ZBTB7A: variants seen among roughly 807,000 people sequenced by gnomAD.
ZBTB7A encodes zinc finger and BTB domain containing 7A.
In ZBTB7A, 7 loss-of-function variants were observed where a neutral mutation model predicts 26.7. The ratio of observed to expected loss-of-function variants is 0.26; its 90% confidence interval spans 0.15 to 0.49. The LOEUF (loss-of-function observed/expected upper bound fraction) is 0.49. Ranked by LOEUF, ZBTB7A falls within the 20% of genes least tolerant of loss-of-function variation. The pLI is 0.98. For synonymous variants in ZBTB7A, 452 were observed against 441.0 expected (o/e 1.02, Z -0.31); for missense variants, 617 against 919.5 (o/e 0.67, Z 4.25).
At chr19:4,059,078 C>G (rs1446746445) in intron 1 of ZBTB7A, among the ~76,000 whole-genome samples, 1 of 152,196 alleles carries the variant, frequency 6.6e-6, no homozygotes, top group African/African-American at 2.4e-5. Flanking sequence ...CTGCCACCAT[C>G]TGCCGTCTGG....
chr19:4,056,866 T>TA (rs1191402485), intron 1 of ZBTB7A, among the ~76,000 whole-genome samples: 15 of 132,352 alleles, frequency 1.1e-4, no homozygotes, highest in Admixed American at 3.0e-4. Context: ...GACTCCGTCT[T>TA]AAAAAAAAAA....
Position 4,047,615 on chromosome 19 carries a change from G to C in ZBTB7A, c.*137C>G. The C allele has an allele frequency of 1.6e-6, 1 of 622,342 alleles. No homozygotes were observed. Among genetic ancestry groups the C allele is most frequent in the Non-Finnish European group, 2.4e-6 (1 of 410,538 alleles). The allele number at this position is 622,342 out of a possible 1,614,324, so 38.6% of individuals were successfully genotyped here. A position where few individuals can be genotyped will look rare whatever the true frequency, so the allele number is the denominator to read the frequency against. ...TGTGACGCGTCATATATATATATCT[G>C]TATATATATATATAGATATAGATAT... On this transcript the variant is annotated 3_prime_UTR_variant, in exon 3 of 3. Coordinates refer to ENST00000322357, the MANE Select transcript of ZBTB7A (RefSeq NM_015898.4).
rs907229093 is a variant in ZBTB7A, at chr19:4,048,676, CA to C, written c.1263-433del. On this transcript the variant is annotated intron_variant, in intron 2 of 2. Coordinates refer to ENST00000322357, the MANE Select transcript of ZBTB7A (RefSeq NM_015898.4). This position sits in a 1 kb window ranked among gnomAD's most constrained non-coding sequence, Gnocchi z 6.7. ...TGAAACCCTGTCTCTACTAAAAAAA[CA>C]AAAAACAAAAAAACAAAAAACAAAA... Among the ~76,000 whole-genome samples, 1 of 141,666 alleles carries C rather than the reference CA, an allele frequency of 7.1e-6. No individual in the cohort carries two copies. The highest frequency in any genetic ancestry group is 2.8e-5 in the African/African-American group (1 of 36,012). 92.9% of individuals were successfully genotyped at this position (141,666 alleles called of 152,430 possible).
intron 2 of ZBTB7A, among the ~76,000 whole-genome samples, chr19:4,053,633 G>C (rs930067347): frequency 2.0e-5 from 3 of 151,144 alleles, no homozygotes; most frequent in Admixed American, 1.3e-4. Flanking sequence ...GTGTGCATCT[G>C]TGTCTGCATG....
chr19:4,059,503 G>A (rs2040617750), intron 1 of ZBTB7A, among the ~76,000 whole-genome samples: 1 of 152,168 alleles, frequency 6.6e-6, no homozygotes, highest in African/African-American at 2.4e-5. Flanking sequence ...GCCAAGGAAA[G>A]CCCCCGTGAG....
intron 1 of ZBTB7A, among the ~76,000 whole-genome samples, chr19:4,058,553 C>T (rs577879597): frequency 2.3e-4 from 35 of 152,330 alleles, no homozygotes; most frequent in Non-Finnish European, 4.3e-4. Flanking sequence ...CTGGCGGCCC[C>T]GAGTCACCCA....
chr19:4,056,518 G>C (rs1341833582), intron 1 of ZBTB7A, among the ~76,000 whole-genome samples: 1 of 152,160 alleles, frequency 6.6e-6, no homozygotes, highest in African/African-American at 2.4e-5. Context: ...CTTGAGGTCA[G>C]GAGTTCAAGA....
At chr19:4,059,115 A>C (rs1483447479) in intron 1 of ZBTB7A, among the ~76,000 whole-genome samples, 1 of 152,156 alleles carries the variant, frequency 6.6e-6, no homozygotes, top group East Asian at 1.9e-4. Context: ...GCGTGTGAGC[A>C]GATGGAGCTC....
chr19:4,065,419 G>T, intron 1 of ZBTB7A: 1 of 145,652 alleles, frequency 6.9e-6, no homozygotes, highest in South Asian at 1.9e-4. Context: ...GCCCGCGCGG[G>T]GGGCTCCTAC....
intron 1 of ZBTB7A, among the ~76,000 whole-genome samples, chr19:4,059,296 G>A (rs2040615761): frequency 6.6e-6 from 1 of 152,154 alleles, no homozygotes; most frequent in Non-Finnish European, 1.5e-5. Flanking sequence ...CTGGGGCCTG[G>A]AGGATGGGCC....
Position 4,043,713 on chromosome 19 carries a change from GGGCCCGGCCCCC to G in ZBTB7A, c.*4027_*4038del. Among the ~76,000 whole-genome samples, 1 of 42,600 alleles carries G rather than the reference GGGCCCGGCCCCC, an allele frequency of 2.3e-5. No homozygotes were observed. Among genetic ancestry groups the G allele is most frequent in the African/African-American group, 1.2e-4 (1 of 8,046 alleles). The allele number at this position is 42,600 out of a possible 152,430, so 27.9% of individuals were successfully genotyped here. On this transcript the variant is annotated 3_prime_UTR_variant, in exon 3 of 3. Coordinates refer to ENST00000322357, the MANE Select transcript of ZBTB7A (RefSeq NM_015898.4). ...GTCTCCCTGGCCCCCTCCACCCCCT[GGGCCCGGCCCCC>G]CCCCCCCCCCCCCGTAAATCTATGT... is the stretch of plus-strand genomic sequence containing the variant.
rs149089572 is a variant in ZBTB7A, at chr19:4,056,404, G to A, written c.-15-1157C>T. ...ACAAGCACACTGGCACCACCCCTCC[G>A]AGGAGGGCCCCCGGGAATGCCTGTT... On this transcript the variant is annotated intron_variant, in intron 1 of 2. Transcript: ENST00000322357. Among the ~76,000 whole-genome samples, 466 of 152,278 alleles carry A rather than the reference G, an allele frequency of 3.1e-3. 3 individuals carry two copies. Among genetic ancestry groups the A allele is most frequent in the African/African-American group, 0.011 (451 of 41,550 alleles).
chr19:4,048,277 TG>T lies in ZBTB7A; in HGVS notation c.1263-34del, dbSNP rs777803398. On this transcript the variant is annotated intron_variant, in intron 2 of 2. Coordinates refer to ENST00000322357, the MANE Select transcript of ZBTB7A (RefSeq NM_015898.4). This position sits in a 1 kb window ranked among gnomAD's most constrained non-coding sequence, Gnocchi z 6.7. The stretch of plus-strand genomic sequence containing the variant: ...CGGGGCACGGGGCGGGCACGGTCAG[TG>T]GGGCCGGGGACCCCCGATCCCCGCC... 1.3e-6 allele frequency: 2 copies of T among 1,540,596 alleles called. No individual in the cohort carries two copies. Among genetic ancestry groups the T allele is most frequent in the South Asian group, 1.2e-5 (1 of 84,062 alleles).
chr19:4,043,956 G>A lies in ZBTB7A; in HGVS notation c.*3796C>T, dbSNP rs1272479481. Among the ~76,000 whole-genome samples the A allele has an allele frequency of 6.7e-6, 1 of 148,276 alleles. No homozygotes were observed. Among genetic ancestry groups the A allele is most frequent in the Non-Finnish European group, 1.5e-5 (1 of 67,610 alleles). On this transcript the variant is annotated 3_prime_UTR_variant, in exon 3 of 3. Transcript: ENST00000322357. Reference sequence around the variant, plus strand: ...AAAAAATAGGATTTTTGCTTTTTTTGTTGGTTTTTAATATTTTTTTTTCTT... The same window carrying A: ...AAAAAATAGGATTTTTGCTTTTTTTATTGGTTTTTAATATTTTTTTTTCTT...
intron 1 of ZBTB7A, 64 bp from the exon 2 acceptor site, chr19:4,055,311 A>T (rs1357881267): frequency 1.4e-6 from 2 of 1,427,612 alleles, no homozygotes; most frequent in African/African-American, 2.9e-5. Context: ...GTGCCCACTG[A>T]CAAGGGCCCG....
rs1195381214 is a variant in ZBTB7A at position 4,052,103 on chromosome 19, T to C, written c.1262+1868A>G. Among the ~76,000 whole-genome samples, 3 of 152,010 alleles carry C rather than the reference T, an allele frequency of 2.0e-5. No individual in the cohort carries two copies. Among genetic ancestry groups the C allele is most frequent in the Admixed American group, 6.6e-5 (1 of 15,256 alleles). On this transcript the variant is annotated intron_variant, in intron 2 of 2. Coordinates refer to ENST00000322357, the MANE Select transcript of ZBTB7A (RefSeq NM_015898.4). This position sits in a 1 kb window ranked among gnomAD's most constrained non-coding sequence, Gnocchi z 4.9. ...GGGTGGGAGGAAGAGGTCTCCACAA[T>C]TGTCCCTCTCTAAGCCTCAGTTTCT...
chr19:4,064,020 A>C (rs1369660615), intron 1 of ZBTB7A, among the ~76,000 whole-genome samples: 1 of 152,142 alleles, frequency 6.6e-6, no homozygotes, highest in African/African-American at 2.4e-5. Flanking sequence ...ACAAACAAAC[A>C]AACACCCAGC....
Position 4,045,584 on chromosome 19 carries a change from C to T in ZBTB7A, c.*2168G>A. 4.1e-6 allele frequency: 1 copy of T among 244,402 alleles called. No individual in the cohort carries two copies. The highest frequency in any genetic ancestry group is 7.3e-6 in the Non-Finnish European group (1 of 136,178). The allele number at this position is 244,402 out of a possible 1,614,324, so 15.1% of individuals were successfully genotyped here. ...CCTTTAACAATGAAAGAAAAAGAGACGAGAAGATGTGTGTGTCACAGAGAA... is the reference window on the plus strand; with the variant it reads ...CCTTTAACAATGAAAGAAAAAGAGATGAGAAGATGTGTGTGTCACAGAGAA... On this transcript the variant is annotated 3_prime_UTR_variant, in exon 3 of 3. Coordinates refer to ENST00000322357, the MANE Select transcript of ZBTB7A (RefSeq NM_015898.4). This position sits in a 1 kb window ranked among gnomAD's most constrained non-coding sequence, Gnocchi z 4.1.
At chr19:4,064,606 C>A (rs953560728) in intron 1 of ZBTB7A, among the ~76,000 whole-genome samples, 2 of 152,232 alleles carry the variant, frequency 1.3e-5, no homozygotes, top group African/African-American at 4.8e-5. Flanking sequence ...AGTGTGGGAG[C>A]GGCACGCTCA....
Sources: allele counts gnomAD v4.1 joint callset (sites outside exome capture counted in the v4.1 genomes callset), GRCh38; gene constraint gnomAD v4.1.1; non-coding constraint Gnocchi (gnomAD v3.1); transcripts MANE v1.5; gene names NCBI Gene and HGNC (gene_info 2026-07-23, HGNC 2026-07-21).